The following TLDC2 variants were observed in gnomAD, a reference collection of about 807,000 sequenced individuals.
The protein encoded by TLDC2 is TLD domain-containing protein 2.
In TLDC2, 23 loss-of-function variants were observed where a neutral mutation model predicts 27.9. The observed-to-expected ratio is 0.82, with a 90% CI of 0.59 to 1.17. The LOEUF (loss-of-function observed/expected upper bound fraction) is 1.17, where lower values mean the gene tolerates loss of function less well. Among genes scored for constraint, TLDC2 ranks in the 50% most tolerant of loss-of-function variants. The pLI, the probability that TLDC2 is intolerant of heterozygous loss-of-function variation, is 0.00. For synonymous variants in TLDC2, 124 were observed against 107.4 expected (o/e 1.16, Z -0.96); for missense variants, 286 against 273.4 (o/e 1.05, Z -0.32).
intron 4 of TLDC2, among the ~76,000 whole-genome samples, chr20:36,885,061 G>A (rs1989893287): frequency 6.6e-6 from 1 of 151,900 alleles, no homozygotes; most frequent in Admixed American, 6.6e-5. Flanking sequence ...ATTTTTAGTA[G>A]AGACAGGGTT....
At chr20:36,888,847 C>A (rs1989987498) in intron 5 of TLDC2, among the ~76,000 whole-genome samples, 1 of 151,722 alleles carries the variant, frequency 6.6e-6, no homozygotes, top group Admixed American at 6.6e-5. Context: ...ATAGCAAAAC[C>A]CCATCTCTAC....
intron 6 of TLDC2, chr20:36,890,541 T>A (rs1990049188): frequency 6.6e-6 from 1 of 152,028 alleles, no homozygotes; most frequent in Non-Finnish European, 1.5e-5. Flanking sequence ...CTTGGCTCAC[T>A]GCAACCTCTG....
At chr20:36,879,906 G>A (rs555146153) in intron 3 of TLDC2, among the ~76,000 whole-genome samples, 1 of 148,764 alleles carries the variant, frequency 6.7e-6, no homozygotes, top group East Asian at 2.0e-4. Flanking sequence ...AAATAGAGAT[G>A]TACACTGGCA....
intron 5 of TLDC2, among the ~76,000 whole-genome samples, 179 bp from the exon 6 acceptor site, chr20:36,889,072 C>G (rs1989993474): frequency 6.6e-6 from 1 of 152,130 alleles, no homozygotes; most frequent in Non-Finnish European, 1.5e-5. Context: ...AAGCTCTTAA[C>G]CCCATGGGGA....
chr20:36,885,960 G>T (rs1398222910), intron 4 of TLDC2, among the ~76,000 whole-genome samples: 1 of 152,074 alleles, frequency 6.6e-6, no homozygotes, highest in Non-Finnish European at 1.5e-5. Flanking sequence ...GGCCCTCTGA[G>T]GATCTAGGGG....
chr20:36,877,018 A>G (rs1296891939), intron 1 of TLDC2, among the ~76,000 whole-genome samples: 1 of 152,190 alleles, frequency 6.6e-6, no homozygotes, highest in Non-Finnish European at 1.5e-5. Context: ...ATATGACTGC[A>G]TGCATCATTT....
At chr20:36,881,357 G>A (rs1052394086) in intron 4 of TLDC2, among the ~76,000 whole-genome samples, 1 of 151,640 alleles carries the variant, frequency 6.6e-6, no homozygotes, top group Non-Finnish European at 1.5e-5. Context: ...TCCAGCCTGG[G>A]CAACAGAGGA....
intron 6 of TLDC2, chr20:36,889,677 C>A: frequency 3.7e-6 from 1 of 269,834 alleles, no homozygotes; most frequent in Admixed American, 5.4e-5. Flanking sequence ...CATCTCTTCC[C>A]CGCTAGTGCC....
intron 5 of TLDC2, among the ~76,000 whole-genome samples, chr20:36,887,954 A>G (rs541511009): frequency 1.3e-5 from 2 of 152,138 alleles, no homozygotes; most frequent in Non-Finnish European, 2.9e-5. Flanking sequence ...TCCTGGTGTG[A>G]CCTTCACATT....
At chr20:36,878,075 A>G in intron 2 of TLDC2, 21 bp downstream of exon 2, 1 of 1,602,048 alleles carries the variant, frequency 6.2e-7, no homozygotes, top group Non-Finnish European at 8.5e-7. Context: ...TGCCCATGGC[A>G]CAAGAATTTC....
intron 1 of TLDC2, among the ~76,000 whole-genome samples, chr20:36,876,704 T>A (rs140875146): frequency 6.6e-6 from 1 of 151,590 alleles, no homozygotes. Context: ...AATGCACTCA[T>A]ACACACTCAA....
intron 4 of TLDC2, 24 bp downstream of exon 4, chr20:36,880,774 G>A (rs375173364): frequency 2.1e-5 from 33 of 1,608,236 alleles, no homozygotes; most frequent in Non-Finnish European, 2.5e-5. Context: ...CCTTCCATGG[G>A]GGGAGTGGGG....
chr20:36,879,050 C>G lies in TLDC2; in HGVS notation c.199C>G (p.His67Asp), dbSNP rs200987116. ...SASEIRQLSF[H>D]FPPRVTGHPW... is the part of the protein sequence containing the mutation. ...CCAACCCTGTCCCCAGCTCAGCTTT[C>G]ACTTCCCACCAAGAGTCACCGGCCA... Residue 67 changes from histidine to aspartate, a missense_variant, in exon 3 of 7, where the codon CAC becomes GAC. Physicochemically the swap from His to Asp is moderately conservative, Grantham distance 81 (BLOSUM62 -1). Transcript: ENST00000217320. 1 of 1,614,232 alleles carries G rather than the reference C, an allele frequency of 6.2e-7. No homozygotes were observed. Among genetic ancestry groups the G allele is most frequent in the African/African-American group, 1.3e-5 (1 of 75,066 alleles).
intron 6 of TLDC2, chr20:36,892,562 A>T: frequency 3.4e-6 from 1 of 292,410 alleles, no homozygotes; most frequent in Non-Finnish European, 6.6e-6. Flanking sequence ...GGGCTGAGGC[A>T]GGAGGGTCGC....
intron 4 of TLDC2, 137 bp downstream of exon 4, chr20:36,880,887 G>A (rs1327292604): frequency 2.6e-6 from 2 of 758,468 alleles, no homozygotes; most frequent in East Asian, 2.5e-5. Context: ...GAATGAGCAG[G>A]GCAGTGGTGG....
rs1990148425 is a variant in TLDC2 at position 36,894,118 on chromosome 20, T to C, written c.*1274T>C. On this transcript the variant is annotated 3_prime_UTR_variant, in exon 7 of 7. Coordinates refer to ENST00000217320, the MANE Select transcript of TLDC2 (RefSeq NM_080628.3). ...GCAGCTTCCTGCTGTTGAATCACTG[T>C]CCTCTATGCTCATTTAGCTCTGCCA... 2.5e-6 allele frequency: 1 copy of C among 395,922 alleles called. No individual in the cohort carries two copies. The highest frequency in any genetic ancestry group is 4.4e-5 in the Admixed American group (1 of 22,676). 24.5% of individuals were successfully genotyped at this position (395,922 alleles called of 1,614,324 possible). A position where few individuals can be genotyped will look rare whatever the true frequency, so the allele number is the denominator to read the frequency against.
Position 36,889,562 on chromosome 20 carries a change from C to A in TLDC2, c.*17+159C>A, listed in dbSNP as rs931265407. The A allele has an allele frequency of 8.6e-6, 7 of 813,126 alleles. No individual in the cohort carries two copies. In the African/African-American group the frequency reaches 1.0e-4, roughly 12 times the overall value. The allele number at this position is 813,126 out of a possible 1,614,324, so 50.4% of individuals were successfully genotyped here. ...AAGATACAGGTGGGGGCAGGCACTGCTCTTTTGCAGAGGTGACTTTGAAGG... is the reference window on the plus strand; with the variant it reads ...AAGATACAGGTGGGGGCAGGCACTGATCTTTTGCAGAGGTGACTTTGAAGG... On this transcript the variant is annotated intron_variant, in intron 6 of 6. Transcript: ENST00000217320.
intron 4 of TLDC2, among the ~76,000 whole-genome samples, chr20:36,886,773 T>C: frequency 6.6e-6 from 1 of 152,062 alleles, no homozygotes; most frequent in Non-Finnish European, 1.5e-5. Flanking sequence ...AAAAAATTGC[T>C]GGGATTACAG....
chr20:36,880,800 A>G, intron 4 of TLDC2, 50 bp downstream of exon 4: 1 of 1,561,472 alleles, frequency 6.4e-7, no homozygotes, highest in Non-Finnish European at 8.8e-7. Flanking sequence ...GGCGAGACAA[A>G]GCTCCCGGGG....
Sources: allele counts gnomAD v4.1 joint callset (sites outside exome capture counted in the v4.1 genomes callset), GRCh38; gene constraint gnomAD v4.1.1; transcripts MANE v1.5; gene names NCBI Gene and HGNC (gene_info 2026-07-23, HGNC 2026-07-21).